Variants in DENND1A observed in about 807,000 individuals in gnomAD.
DENND1A encodes DENN domain-containing protein 1A.
DENND1A carries 51 observed loss-of-function variants against 113.7 expected under a neutral mutation model. The ratio of observed to expected loss-of-function variants is 0.45; its 90% CI spans 0.36 to 0.57. DENND1A has a LOEUF of 0.57. Ranked by LOEUF, DENND1A falls within the 20% of genes least tolerant of loss-of-function variation. DENND1A has a pLI of 0.00. For synonymous variants in DENND1A, 565 were observed against 570.8 expected (o/e 0.99, Z 0.14); for missense variants, 1,258 against 1,395.9 (o/e 0.90, Z 1.57).
intron 10 of DENND1A, among the ~76,000 whole-genome samples, chr9:123,618,675 C>G (rs1300452913): frequency 6.6e-6 from 1 of 152,178 alleles, no homozygotes; most frequent in African/African-American, 2.4e-5. Context: ...GCTGAGCCAA[C>G]AAGCACCATT....
At chr9:123,805,312 G>GC (rs1394206112) in intron 2 of DENND1A, among the ~76,000 whole-genome samples, 1 of 151,918 alleles carries the variant, frequency 6.6e-6, no homozygotes, top group Non-Finnish European at 1.5e-5. Context: ...GACTAGAAGT[G>GC]TTTTTTCAGA....
At chr9:123,536,378 G>A (rs1384969797) in intron 13 of DENND1A, among the ~76,000 whole-genome samples, 3 of 151,186 alleles carry the variant, frequency 2.0e-5, no homozygotes, top group Admixed American at 6.6e-5. Context: ...GCTGAGGCAG[G>A]AGAATTGCTT....
intron 21 of DENND1A, among the ~76,000 whole-genome samples, chr9:123,391,983 G>A (rs1349411917): frequency 2.6e-5 from 4 of 152,060 alleles, no homozygotes; most frequent in Admixed American, 6.6e-5. Flanking sequence ...ATCCCCCACG[G>A]CTGCTCCCGC....
chr9:123,872,465 AAC>A (rs1392558863), intron 2 of DENND1A, among the ~76,000 whole-genome samples: 1 of 152,298 alleles, frequency 6.6e-6, no homozygotes, highest in African/African-American at 2.4e-5. Context: ...GAGTGAGGAA[AAC>A]ACATATAGCT....
At chr9:123,769,378 T>A (rs991892442) in intron 4 of DENND1A, 136 bp downstream of exon 4, 1 of 731,560 alleles carries the variant, frequency 1.4e-6, no homozygotes, top group Non-Finnish European at 2.1e-6. Flanking sequence ...AGGGAGAATA[T>A]TGCAACTCTC....
At chr9:123,926,858 G>C (rs1258049603) in intron 1 of DENND1A, among the ~76,000 whole-genome samples, 3 of 151,814 alleles carry the variant, frequency 2.0e-5, no homozygotes, top group African/African-American at 7.3e-5. Flanking sequence ...TTTATGTCCA[G>C]CATGGTACGG....
intron 8 of DENND1A, among the ~76,000 whole-genome samples, chr9:123,652,558 C>T (rs1017526802): frequency 3.3e-5 from 5 of 152,290 alleles, no homozygotes; most frequent in East Asian, 1.9e-4. Context: ...CTGTGCCATA[C>T]GCCTAAGCAA....
chr9:123,412,511 G>A (rs1285516620), intron 19 of DENND1A, among the ~76,000 whole-genome samples: 2 of 152,228 alleles, frequency 1.3e-5, no homozygotes, highest in African/African-American at 2.4e-5. Context: ...TATGCCTGCA[G>A]GCTCTGTGAG....
chr9:123,698,722 G>C (rs560940084), intron 5 of DENND1A, among the ~76,000 whole-genome samples: 2 of 152,312 alleles, frequency 1.3e-5, no homozygotes, highest in Admixed American at 1.3e-4. Flanking sequence ...ATCATGGTCT[G>C]GTGCTGTTTG....
chr9:123,927,710 G>A (rs1462212425), intron 1 of DENND1A, among the ~76,000 whole-genome samples: 1 of 152,192 alleles, frequency 6.6e-6, no homozygotes, highest in African/African-American at 2.4e-5. Context: ...AGATAAGCAA[G>A]AGAAAACAAA....
chr9:123,696,245 A>C (rs1361190567), intron 5 of DENND1A, among the ~76,000 whole-genome samples: 1 of 152,248 alleles, frequency 6.6e-6, no homozygotes, highest in Non-Finnish European at 1.5e-5. Context: ...AGTGATTAGA[A>C]CAGCATGCTA....
chr9:123,392,503 C>A (rs2042908562), intron 21 of DENND1A, among the ~76,000 whole-genome samples: 2 of 152,024 alleles, frequency 1.3e-5, no homozygotes, highest in South Asian at 4.2e-4. Flanking sequence ...TCACGTGGCT[C>A]CAGTGGGCAG....
chr9:123,904,170 T>C (rs1445494762), intron 1 of DENND1A, among the ~76,000 whole-genome samples: 2 of 152,088 alleles, frequency 1.3e-5, no homozygotes, highest in East Asian at 1.9e-4. Flanking sequence ...TCCTGTCTGT[T>C]AGAAGGAAAA....
At chr9:123,558,580 G>A (rs2057558928) in intron 12 of DENND1A, among the ~76,000 whole-genome samples, 1 of 152,148 alleles carries the variant, frequency 6.6e-6, no homozygotes, top group South Asian at 2.1e-4. Flanking sequence ...GAAAGATGAA[G>A]GTTGTGAGAC....
rs546582412 is a variant in DENND1A at position 123,565,138 on chromosome 9, T to C, written c.868-7443A>G. Among the ~76,000 whole-genome samples the C allele has an allele frequency of 7.2e-5, 11 of 152,254 alleles. No individual in the cohort carries two copies. In the South Asian group the frequency reaches 2.3e-3, roughly 32 times the overall value. On this transcript the variant is annotated intron_variant, in intron 12 of 23. Transcript: ENST00000394215. ...TCCTGAGTAGCTGGGATTACAGGCA[T>C]GTGCCACCACGCCCAGCTAATTTTT...
rs1209326837 is a variant in DENND1A, at chr9:123,899,707, T to A, written c.18-20686A>T. 2.6e-5 allele frequency among the ~76,000 whole-genome samples: 4 copies of A among 152,206 alleles called. No homozygotes were observed. In the East Asian group the frequency reaches 7.7e-4, roughly 29 times the overall value. On this transcript the variant is annotated intron_variant, in intron 1 of 23. Transcript: ENST00000394215. ...ACATGCTTGAGTACCACTGAACTAA[T>A]AATTTGCAACTTATATTCCTGCTAA...
At chr9:123,664,051 A>G (rs1237725234) in intron 8 of DENND1A, among the ~76,000 whole-genome samples, 1 of 152,142 alleles carries the variant, frequency 6.6e-6, no homozygotes, top group Admixed American at 6.5e-5. Context: ...TGAAAACTAC[A>G]TGTCATAAAA....
At chr9:123,659,924 A>T (rs1028242403) in intron 8 of DENND1A, among the ~76,000 whole-genome samples, 69 of 152,350 alleles carry the variant, frequency 4.5e-4, no homozygotes, top group African/African-American at 1.4e-3. Context: ...CTGTGTCAAA[A>T]ACCACATAAA....
intron 1 of DENND1A, among the ~76,000 whole-genome samples, chr9:123,915,037 G>A (rs962900767): frequency 3.0e-4 from 45 of 152,060 alleles, no homozygotes; most frequent in Non-Finnish European, 4.4e-5. Flanking sequence ...CCCCACAAAG[G>A]CTGCAAAGTA....
Sources: allele counts gnomAD v4.1 joint callset (sites outside exome capture counted in the v4.1 genomes callset), GRCh38; gene constraint gnomAD v4.1.1; transcripts MANE v1.5; gene names NCBI Gene and HGNC (gene_info 2026-07-23, HGNC 2026-07-21).